The following SIPA1L3 variants were observed in gnomAD, a reference collection of about 807,000 sequenced individuals.
SIPA1L3 encodes the protein signal induced proliferation associated 1 like 3, also known as signal-induced proliferation-associated 1-like protein 3.
A neutral mutation model predicts 150.1 loss-of-function variants in SIPA1L3; 59 were observed. The ratio of observed to expected loss-of-function variants is 0.39; its 90% CI spans 0.32 to 0.49. The LOEUF (loss-of-function observed/expected upper bound fraction) is 0.49. SIPA1L3 is among the 20% of genes least tolerant of loss of function. The probability of loss-of-function intolerance (pLI) is 0.86; values close to 1 mark genes in which losing one functional copy is unlikely to be tolerated. For missense variants in SIPA1L3, 2,211 were observed against 2,489.5 expected (o/e 0.89, Z 2.38); for synonymous variants, 1,070 against 1,077.6 (o/e 0.99, Z 0.14).
At chr19:38,089,328 C>CA (rs55806031) in intron 4 of SIPA1L3, among the ~76,000 whole-genome samples, 5,257 of 63,258 alleles carry the variant, frequency 0.083, 473 homozygotes, top group African/African-American at 0.22. Flanking sequence ...GACTGTGTCT[C>CA]AAAAAAAAAA....
At chr19:38,020,961 C>G (rs1042730964) in intron 1 of SIPA1L3, among the ~76,000 whole-genome samples, 1 of 152,144 alleles carries the variant, frequency 6.6e-6, no homozygotes, top group East Asian at 1.9e-4. Context: ...CCACCACACC[C>G]AGCTAATTTT....
Position 38,085,445 on chromosome 19 carries a change from G to A in SIPA1L3, c.1534+2346G>A, listed in dbSNP as rs572562575. 1.6e-4 allele frequency among the ~76,000 whole-genome samples: 23 copies of A among 140,564 alleles called. No homozygotes were observed. The East Asian group carries it at 3.8e-3, about 23-fold the overall frequency. The allele number at this position is 140,564 out of a possible 152,430, so 92.2% of individuals were successfully genotyped here. A position where few individuals can be genotyped will look rare whatever the true frequency, so the allele number is the denominator to read the frequency against. ...CAGTGAGCCGAGATCGCGCCACTGC[G>A]CTCCAGCCTGGGCAACAGAGTGAGA... On this transcript the variant is annotated intron_variant, in intron 3 of 21. Coordinates refer to ENST00000222345, the MANE Select transcript of SIPA1L3 (RefSeq NM_015073.3).
intron 12 of SIPA1L3, among the ~76,000 whole-genome samples, chr19:38,152,071 A>G (rs540920684): frequency 6.6e-6 from 1 of 152,160 alleles, no homozygotes; most frequent in East Asian, 1.9e-4. Context: ...GGGTGTGCGA[A>G]GCTGGCCTCC....
chr19:38,103,572 G>C (rs942148771), intron 6 of SIPA1L3, among the ~76,000 whole-genome samples: 18 of 151,356 alleles, frequency 1.2e-4, no homozygotes, highest in African/African-American at 4.1e-4. Flanking sequence ...AGGTTGCAGT[G>C]AGCTGAGATC....
chr19:38,113,015 C>T (rs1237619282), intron 8 of SIPA1L3, among the ~76,000 whole-genome samples: 3 of 152,068 alleles, frequency 2.0e-5, no homozygotes, highest in Non-Finnish European at 4.4e-5. Context: ...GGAGACCAGC[C>T]TGGCCAACAT....
chr19:37,951,292 G>A (rs1242953599), intron 1 of SIPA1L3, among the ~76,000 whole-genome samples: 2 of 152,200 alleles, frequency 1.3e-5, no homozygotes, highest in Non-Finnish European at 2.9e-5. Context: ...ACTGGAAAAG[G>A]GAAGCAAACC....
chr19:38,144,002 G>A (rs1413269207), intron 12 of SIPA1L3, among the ~76,000 whole-genome samples: 1 of 152,134 alleles, frequency 6.6e-6, no homozygotes, highest in Non-Finnish European at 1.5e-5. Context: ...AGCTTCCTAG[G>A]GGGACTGTCT....
intron 1 of SIPA1L3, among the ~76,000 whole-genome samples, chr19:37,969,289 C>G (rs758366353): frequency 2.6e-5 from 4 of 151,968 alleles, no homozygotes; most frequent in South Asian, 2.1e-4. Flanking sequence ...TGGTGGCTCA[C>G]GTCTGTAATC....
chr19:38,143,057 A>G (rs1408940309), intron 12 of SIPA1L3, among the ~76,000 whole-genome samples: 14 of 152,102 alleles, frequency 9.2e-5, no homozygotes, highest in African/African-American at 2.9e-4. Flanking sequence ...CCAGTTTTCG[A>G]GATCTTTCAG....
chr19:37,999,408 C>G (rs1028937231), intron 1 of SIPA1L3, among the ~76,000 whole-genome samples: 6 of 152,212 alleles, frequency 3.9e-5, no homozygotes, highest in African/African-American at 1.4e-4. Flanking sequence ...TAACTCCAGC[C>G]CCGCTCCTGG....
intron 15 of SIPA1L3, among the ~76,000 whole-genome samples, chr19:38,173,962 A>G (rs1972384890): frequency 7.6e-6 from 1 of 130,820 alleles, no homozygotes; most frequent in Non-Finnish European, 1.7e-5. Context: ...CAGAGAAGAG[A>G]GGGGGGCAGA....
At chr19:37,965,371 A>G (rs1399335631) in intron 1 of SIPA1L3, among the ~76,000 whole-genome samples, 1 of 145,162 alleles carries the variant, frequency 6.9e-6, no homozygotes, top group Non-Finnish European at 1.5e-5. Flanking sequence ...GCTGGAGTGC[A>G]GTGGCACAAT....
rs553982101 is a variant in SIPA1L3 at position 38,051,682 on chromosome 19, G to A, written c.-311+22526G>A. The stretch of plus-strand genomic sequence containing the variant: ...CTCGATCTTAGCTCATTGCAGACTC[G>A]AACTCCTGAACTCAAGTGATCCTCC... On this transcript the variant is annotated intron_variant, in intron 2 of 21. Transcript: ENST00000222345. Among the ~76,000 whole-genome samples the A allele has an allele frequency of 1.6e-4, 24 of 152,110 alleles. No individual in the cohort carries two copies. In the South Asian group the frequency reaches 4.4e-3, roughly 28 times the overall value.
chr19:37,981,667 G>T (rs546011748), intron 1 of SIPA1L3, among the ~76,000 whole-genome samples: 4 of 152,062 alleles, frequency 2.6e-5, no homozygotes, highest in Non-Finnish European at 5.9e-5. Flanking sequence ...TAGCAGCGTC[G>T]CCATCATTTC....
At chr19:38,000,156 T>C (rs1967747432) in intron 1 of SIPA1L3, among the ~76,000 whole-genome samples, 1 of 152,074 alleles carries the variant, frequency 6.6e-6, no homozygotes, top group Non-Finnish European at 1.5e-5. Context: ...GTAATGGGCA[T>C]GCACAGTTAG....
intron 10 of SIPA1L3, 30 bp from the exon 11 acceptor site, chr19:38,141,154 C>T: frequency 6.5e-7 from 1 of 1,544,036 alleles, no homozygotes; most frequent in South Asian, 1.3e-5. Flanking sequence ...GGGCTGGGGC[C>T]TTTCTGAGTA....
intron 13 of SIPA1L3, among the ~76,000 whole-genome samples, chr19:38,159,586 G>A (rs901656597): frequency 1.3e-5 from 2 of 152,258 alleles, no homozygotes; most frequent in Non-Finnish European, 2.9e-5. Context: ...CAGCATTGCC[G>A]TTGTTGGTGA....
intron 9 of SIPA1L3, among the ~76,000 whole-genome samples, chr19:38,120,686 G>A (rs1400574174): frequency 2.0e-5 from 3 of 152,202 alleles, no homozygotes; most frequent in Non-Finnish European, 4.4e-5. Context: ...AAAAGACAAA[G>A]ACTCACAGTC....
intron 2 of SIPA1L3, among the ~76,000 whole-genome samples, chr19:38,038,887 A>T (rs554733785): frequency 1.3e-4 from 20 of 152,222 alleles, no homozygotes; most frequent in African/African-American, 3.6e-4. Context: ...TTTTAATTTT[A>T]ATTTTTATTT....
Sources: gnomAD v4.1 joint callset for allele counts (sites outside exome capture counted in the v4.1 genomes callset) on GRCh38, gnomAD v4.1.1 for gene constraint, MANE v1.5 for transcripts, NCBI Gene and HGNC (gene_info 2026-07-23, HGNC 2026-07-21) for gene names.